The following NTM variants were observed in gnomAD, a reference collection of about 807,000 sequenced individuals.
NTM encodes IgLON family member 2.
A neutral mutation model predicts 42.1 loss-of-function variants in NTM; 13 were observed. That is an observed-to-expected ratio of 0.31 (90% CI 0.20 to 0.49). NTM has a LOEUF of 0.49. Ranked by LOEUF, NTM falls within the 20% of genes least tolerant of loss-of-function variation. NTM has a pLI of 0.99. For missense variants in NTM, 373 were observed against 452.8 expected (o/e 0.82, Z 1.60); for synonymous variants, 187 against 179.2 (o/e 1.04, Z -0.35).
intron 1 of NTM, among the ~76,000 whole-genome samples, chr11:131,517,330 G>A (rs1345314820): frequency 6.6e-6 from 1 of 152,178 alleles, no homozygotes; most frequent in African/African-American, 2.4e-5. Flanking sequence ...CTGTACTGAG[G>A]ACCACAGACT....
intron 1 of NTM, among the ~76,000 whole-genome samples, chr11:131,861,870 C>T (rs1416846925): frequency 6.6e-6 from 1 of 152,146 alleles, no homozygotes; most frequent in Non-Finnish European, 1.5e-5. Flanking sequence ...AGGCCTGTCT[C>T]CACTCCACAT....
At chr11:132,037,477 C>G (rs982082937) in intron 2 of NTM, among the ~76,000 whole-genome samples, 18 of 152,096 alleles carry the variant, frequency 1.2e-4, no homozygotes, top group African/African-American at 4.3e-4. Flanking sequence ...TCAAATAGGC[C>G]AGACAATTGC....
chr11:132,006,974 A>T (rs1340705890), intron 2 of NTM, among the ~76,000 whole-genome samples: 1 of 152,200 alleles, frequency 6.6e-6, no homozygotes, highest in Non-Finnish European at 1.5e-5. Context: ...TGGGTGGGCT[A>T]AACATTTTAC....
At chr11:131,969,120 T>C (rs1041890757) in intron 2 of NTM, among the ~76,000 whole-genome samples, 5 of 152,198 alleles carry the variant, frequency 3.3e-5, no homozygotes, top group Non-Finnish European at 7.3e-5. Context: ...GCTTAAGGAA[T>C]AATAGTACAA....
At chr11:131,653,246 T>C (rs536233707) in intron 1 of NTM, among the ~76,000 whole-genome samples, 5 of 145,012 alleles carry the variant, frequency 3.4e-5, no homozygotes, top group Non-Finnish European at 6.1e-5. Context: ...TCTTCCTTTG[T>C]TCTTTCAGTC....
At chr11:131,767,317 G>A (rs529470443) in intron 1 of NTM, 1 of 160,948 alleles carries the variant, frequency 6.2e-6, no homozygotes, top group East Asian at 1.9e-4. Context: ...CAGCAGCTTG[G>A]GAGGCTGAGG....
At chr11:132,079,337 C>A (rs1737748621) in intron 2 of NTM, among the ~76,000 whole-genome samples, 1 of 152,158 alleles carries the variant, frequency 6.6e-6, no homozygotes, top group Admixed American at 6.5e-5. Context: ...TTAGTGGACA[C>A]AAGTTTAAGA....
intron 2 of NTM, among the ~76,000 whole-genome samples, chr11:132,119,571 C>T (rs532685880): frequency 7.2e-4 from 110 of 152,310 alleles, no homozygotes; most frequent in African/African-American, 2.4e-3. Flanking sequence ...TCAATCAGGA[C>T]GGGAAGCAGC....
chr11:132,280,716 C>A (rs1454345944), intron 4 of NTM, among the ~76,000 whole-genome samples: 1 of 152,012 alleles, frequency 6.6e-6, no homozygotes, highest in Non-Finnish European at 1.5e-5. Flanking sequence ...GAATGGCTGA[C>A]CTCAGGTGAT....
chr11:131,995,655 T>G (rs1055751418), intron 2 of NTM, among the ~76,000 whole-genome samples: 3 of 152,054 alleles, frequency 2.0e-5, no homozygotes, highest in Non-Finnish European at 4.4e-5. Context: ...CTTGGGCATG[T>G]TACTGAAATG....
intron 1 of NTM, among the ~76,000 whole-genome samples, chr11:131,711,830 AGG>A (rs2077171577): frequency 6.6e-6 from 1 of 151,934 alleles, no homozygotes; most frequent in Non-Finnish European, 1.5e-5. Flanking sequence ...TGTCCTTTGT[AGG>A]GACATGGATG....
At chr11:131,382,694 C>A (rs1344798822) in intron 1 of NTM, among the ~76,000 whole-genome samples, 2 of 152,152 alleles carry the variant, frequency 1.3e-5, no homozygotes, top group East Asian at 3.9e-4. Context: ...ATCCTTCGTT[C>A]TTTCTTGTGA....
At chr11:131,959,560 C>G (rs1300566892) in intron 2 of NTM, among the ~76,000 whole-genome samples, 1 of 152,128 alleles carries the variant, frequency 6.6e-6, no homozygotes, top group Non-Finnish European at 1.5e-5. Flanking sequence ...CACTTGATCC[C>G]AGGAGTTCTG....
chr11:131,837,438 A>G (rs1309717099), intron 1 of NTM, among the ~76,000 whole-genome samples: 1 of 152,216 alleles, frequency 6.6e-6, no homozygotes, highest in African/African-American at 2.4e-5. Context: ...GTAATCTAAG[A>G]AAGTAGCCTA....
At chr11:132,233,652 CT>C (rs1390994588) in intron 4 of NTM, among the ~76,000 whole-genome samples, 3 of 152,272 alleles carry the variant, frequency 2.0e-5, no homozygotes, top group African/African-American at 7.2e-5. Flanking sequence ...CTGCTTTTGT[CT>C]TACGATGTCA....
In NTM at chr11:131,624,220, C is replaced by T. The variant is rs554487696; in HGVS notation, c.82+253332C>T. On this transcript the variant is annotated intron_variant, in intron 1 of 8. Coordinates refer to ENST00000683400, the MANE Select transcript of NTM (RefSeq NM_001352005.2). ...CCGGCCTGGGTATCCTGTCCCTCTG[C>T]GTCCTGCCCTTATTCAAGGACCAGC... is the stretch of plus-strand genomic sequence containing the variant. 1.1e-4 allele frequency among the ~76,000 whole-genome samples: 17 copies of T among 152,288 alleles called. No individual in the cohort carries two copies. The South Asian group carries it at 2.9e-3, about 26-fold the overall frequency.
At chr11:131,890,135 T>C (rs2051048502) in intron 1 of NTM, among the ~76,000 whole-genome samples, 1 of 126,512 alleles carries the variant, frequency 7.9e-6, no homozygotes. Flanking sequence ...GCCCTCTCTC[T>C]CCCTCTCTCT....
At chr11:131,872,193 A>G (rs1170622770) in intron 1 of NTM, among the ~76,000 whole-genome samples, 1 of 152,202 alleles carries the variant, frequency 6.6e-6, no homozygotes, top group Non-Finnish European at 1.5e-5. Flanking sequence ...AACTATTCAC[A>G]AACAGGTGAG....
intron 1 of NTM, among the ~76,000 whole-genome samples, chr11:131,747,966 C>T (rs1272132071): frequency 6.6e-6 from 1 of 152,210 alleles, no homozygotes; most frequent in East Asian, 1.9e-4. Flanking sequence ...ACTCGCCGGG[C>T]ACCACATAGC....
Sources: allele counts gnomAD v4.1 joint callset (sites outside exome capture counted in the v4.1 genomes callset), GRCh38; gene constraint gnomAD v4.1.1; transcripts MANE v1.5; gene names NCBI Gene and HGNC (gene_info 2026-07-23, HGNC 2026-07-21).